The following TMCO4 variants were observed in gnomAD, a reference collection of about 807,000 sequenced individuals.
The protein encoded by TMCO4 is transmembrane and coiled-coil domain-containing protein 4.
TMCO4 carries 58 observed loss-of-function variants against 64.7 expected under a neutral mutation model. The observed-to-expected ratio is 0.90, with a 90% CI of 0.73 to 1.12. The LOEUF is 1.12. Among genes scored for constraint, TMCO4 ranks in the 50% most tolerant of loss-of-function variants. The pLI is 0.00. For synonymous variants in TMCO4, 325 were observed against 346.1 expected, an observed-to-expected ratio of 0.94 and a Z score of 0.68; for missense variants, 780 against 825.9, an observed-to-expected ratio of 0.94 and a Z score of 0.68.
intron 6 of TMCO4, among the ~76,000 whole-genome samples, chr1:19,765,720 G>T (rs749403124): frequency 2.6e-5 from 4 of 152,002 alleles, no homozygotes; most frequent in Non-Finnish European, 5.9e-5. Context: ...GAAATGATTA[G>T]CATGCACAAA....
At chr1:19,686,556 C>T (rs1017953915) in intron 15 of TMCO4, among the ~76,000 whole-genome samples, 2 of 152,224 alleles carry the variant, frequency 1.3e-5, no homozygotes, top group African/African-American at 4.8e-5. Flanking sequence ...TCGTTCCTTT[C>T]CTCACGAATG....
At chr1:19,746,702 A>G in intron 8 of TMCO4, 103 bp from the exon 9 acceptor site, 1 of 1,387,212 alleles carries the variant, frequency 7.2e-7, no homozygotes, top group Non-Finnish European at 9.8e-7. Flanking sequence ...AGGTGGGCGG[A>G]TCACGAGGTC....
At chr1:19,748,304 A>G (rs998732079) in intron 7 of TMCO4, among the ~76,000 whole-genome samples, 1 of 152,216 alleles carries the variant, frequency 6.6e-6, no homozygotes, top group African/African-American at 2.4e-5. Context: ...CAAAAGGCGG[A>G]CACTAATTTC....
At chr1:19,738,450 A>G (rs921780890) in intron 12 of TMCO4, 6 of 152,264 alleles carry the variant, frequency 3.9e-5, no homozygotes, top group African/African-American at 1.2e-4. Flanking sequence ...TCCCTAAGGC[A>G]TGCATTTTTG....
In TMCO4 at chr1:19,683,397, C is replaced by G; in HGVS notation, c.1548G>C (p.Lys516Asn). The G allele has an allele frequency of 6.2e-7, 1 of 1,613,636 alleles. No homozygotes were observed. Among genetic ancestry groups the G allele is most frequent in the Non-Finnish European group, 8.5e-7 (1 of 1,180,034 alleles). The change falls in exon 16 of 16, where the codon AAG becomes AAC. Residue 516 changes from lysine to asparagine, a missense_variant. Physicochemically the swap from Lys to Asn is moderately conservative, Grantham distance 94 (BLOSUM62 0). Transcript: ENST00000294543. ...DYAKQMDAIL[K>N]AVGIRTKPGW... is the part of the protein sequence containing the mutation. ...CTGGCTTGGTGCGGATGCCCACGGC[C>G]TTCAGGATGGCATCCATCTGCTTGG...
chr1:19,692,763 C>T (rs1405539915), intron 15 of TMCO4, among the ~76,000 whole-genome samples: 1 of 151,190 alleles, frequency 6.6e-6, no homozygotes, highest in African/African-American at 2.4e-5. Context: ...TATAAATAAA[C>T]AAATAAATAA....
chr1:19,710,400 C>T (rs2095325453), intron 13 of TMCO4, among the ~76,000 whole-genome samples: 1 of 152,022 alleles, frequency 6.6e-6, no homozygotes, highest in Non-Finnish European at 1.5e-5. Flanking sequence ...TCGCACCTGG[C>T]TGGAATTCCA....
rs184372024 is a variant in TMCO4, at chr1:19,756,831, T to C, written c.383-1065A>G. Among the ~76,000 whole-genome samples the C allele has an allele frequency of 2.4e-4, 37 of 151,476 alleles. 1 individual carries two copies. The highest frequency in any genetic ancestry group is 7.8e-4 in the East Asian group (4 of 5,152). On this transcript the variant is annotated intron_variant, in intron 6 of 15. Transcript: ENST00000294543. ...ACATAGCAAGATCTCATCTCAGTAA[T>C]TGAAAAAAAGGAATAAAAAAGACAC...
chr1:19,683,829 C>T lies in TMCO4; in HGVS notation c.1501-385G>A, dbSNP rs149117992. Among the ~76,000 whole-genome samples the T allele has an allele frequency of 5.9e-3, 760 of 129,784 alleles. 8 individuals are homozygous for T. Among genetic ancestry groups the T allele is most frequent in the African/African-American group, 0.021 (712 of 33,816 alleles). 85.1% of individuals were successfully genotyped at this position (129,784 alleles called of 152,430 possible). ...CCAGGCTGGAGTGCCGTGGCGCAAT[C>T]TTGGCTCACTGCAACCTCCACCTCC... On this transcript the variant is annotated intron_variant, in intron 15 of 15. Coordinates refer to ENST00000294543, the MANE Select transcript of TMCO4 (RefSeq NM_181719.7).
At chr1:19,788,164 G>A (rs147477970) in intron 2 of TMCO4, among the ~76,000 whole-genome samples, 70 of 152,272 alleles carry the variant, frequency 4.6e-4, no homozygotes, top group African/African-American at 1.6e-3. Flanking sequence ...TGGATGTTGC[G>A]TTCCTCCCCA....
chr1:19,757,345 C>T (rs1260234751), intron 6 of TMCO4, among the ~76,000 whole-genome samples: 1 of 152,132 alleles, frequency 6.6e-6, no homozygotes, highest in Non-Finnish European at 1.5e-5. Flanking sequence ...TGTGGCCCCT[C>T]CCTCCAGTCA....
intron 6 of TMCO4, among the ~76,000 whole-genome samples, chr1:19,764,168 C>G (rs75819248): frequency 0.015 from 2,311 of 152,340 alleles, 60 homozygotes; most frequent in African/African-American, 0.053. Context: ...CTCTTAAAGT[C>G]AGCTTCAGGG....
At chr1:19,780,063 G>A (rs923775729) in intron 4 of TMCO4, among the ~76,000 whole-genome samples, 9 of 152,134 alleles carry the variant, frequency 5.9e-5, no homozygotes, top group South Asian at 4.1e-4. Context: ...GGGACCCGGC[G>A]CAGGTAGGGT....
At chr1:19,703,304 T>C (rs1043328375) in intron 13 of TMCO4, among the ~76,000 whole-genome samples, 2 of 152,168 alleles carry the variant, frequency 1.3e-5, no homozygotes, top group Non-Finnish European at 1.5e-5. Context: ...ATAGGGTCTT[T>C]ATGAGGATTA....
chr1:19,688,938 C>G (rs886567888), intron 15 of TMCO4, among the ~76,000 whole-genome samples: 1 of 152,186 alleles, frequency 6.6e-6, no homozygotes, highest in African/African-American at 2.4e-5. Context: ...GAGTTGGTCC[C>G]TGGGGTGGCA....
At chr1:19,773,057 G>C (rs2043057017) in intron 4 of TMCO4, among the ~76,000 whole-genome samples, 1 of 152,140 alleles carries the variant, frequency 6.6e-6, no homozygotes, top group South Asian at 2.1e-4. Context: ...GGGCGTGGTG[G>C]CATGTACCTG....
At chr1:19,741,754 TGAGACAGAGTTTTGC>T (rs2095480393) in intron 10 of TMCO4, among the ~76,000 whole-genome samples, 1 of 150,852 alleles carries the variant, frequency 6.6e-6, no homozygotes, top group Non-Finnish European at 1.5e-5. Context: ...TTTTTTTTTT[TGAGACAGAGTTTTGC>T]TTTGTTTCCC....
intron 15 of TMCO4, among the ~76,000 whole-genome samples, chr1:19,689,727 A>C (rs1230691879): frequency 1.3e-5 from 2 of 152,226 alleles, no homozygotes; most frequent in Non-Finnish European, 2.9e-5. Flanking sequence ...TTTATCTCTG[A>C]TTCTTCTGGC....
At chr1:19,790,383 C>G (rs2043972149) in intron 2 of TMCO4, among the ~76,000 whole-genome samples, 1 of 152,100 alleles carries the variant, frequency 6.6e-6, no homozygotes, top group South Asian at 2.1e-4. Flanking sequence ...GAACAGGCAA[C>G]CTACAGAGTG....
Sources: gnomAD v4.1 joint callset for allele counts (sites outside exome capture counted in the v4.1 genomes callset) on GRCh38, gnomAD v4.1.1 for gene constraint, MANE v1.5 for transcripts, NCBI Gene and HGNC (gene_info 2026-07-23, HGNC 2026-07-21) for gene names.